Variants in CFAP61 observed in about 807,000 individuals in gnomAD.
The protein encoded by CFAP61 is cilia and flagella associated protein 61.
In CFAP61, 107 loss-of-function variants were observed where a neutral mutation model predicts 135.6. That is an observed-to-expected ratio of 0.79 (90% confidence interval 0.67 to 0.93). CFAP61 has a LOEUF of 0.93. Among genes scored for constraint, CFAP61 ranks in the 40% least tolerant of loss-of-function variants. The pLI is 0.00. For synonymous variants in CFAP61, 575 were observed against 578.5 expected (o/e 0.99, Z 0.09); for missense variants, 1,507 against 1,556.2 (o/e 0.97, Z 0.53).
At chr20:20,325,229 C>G (rs2057699115) in intron 25 of CFAP61, among the ~76,000 whole-genome samples, 1 of 152,184 alleles carries the variant, frequency 6.6e-6, no homozygotes, top group African/African-American at 2.4e-5. Context: ...AATATTGATA[C>G]ATTATTATTA....
chr20:20,353,857 C>T (rs1277603810), intron 26 of CFAP61, among the ~76,000 whole-genome samples: 1 of 152,150 alleles, frequency 6.6e-6, no homozygotes, highest in Non-Finnish European at 1.5e-5. Flanking sequence ...AAAGGGAATT[C>T]TTGTTCACTG....
chr20:20,174,316 G>A (rs561569149), intron 13 of CFAP61, among the ~76,000 whole-genome samples: 1 of 152,138 alleles, frequency 6.6e-6, no homozygotes, highest in Admixed American at 6.5e-5. Flanking sequence ...CACCTCTGTA[G>A]CTTCTCTGAG....
At chr20:20,166,585 C>A in intron 12 of CFAP61, 149 bp downstream of exon 12, 1 of 641,360 alleles carries the variant, frequency 1.6e-6, no homozygotes, top group Non-Finnish European at 2.7e-6. Context: ...CATAAAAATA[C>A]AAAATATTGT....
chr20:20,085,527 T>C, intron 6 of CFAP61: 1 of 1,366,440 alleles, frequency 7.3e-7, no homozygotes. Context: ...CCAGAAGAAT[T>C]CGTGTTGAGG....
chr20:20,337,965 C>T (rs554627468), intron 25 of CFAP61, among the ~76,000 whole-genome samples: 69 of 152,332 alleles, frequency 4.5e-4, no homozygotes, highest in African/African-American at 1.6e-3. Context: ...CCTAATCTGA[C>T]TCATCAAAGA....
intron 25 of CFAP61, among the ~76,000 whole-genome samples, chr20:20,334,697 A>G (rs1243869206): frequency 1.3e-5 from 2 of 152,212 alleles, no homozygotes; most frequent in Non-Finnish European, 2.9e-5. Context: ...ATAGCATGTG[A>G]CAATTACAAC....
At chr20:20,269,861 G>A (rs2053207510) in intron 21 of CFAP61, among the ~76,000 whole-genome samples, 1 of 152,024 alleles carries the variant, frequency 6.6e-6, no homozygotes, top group African/African-American at 2.4e-5. Context: ...TTTTGAAATA[G>A]ACTCACAGGG....
At chr20:20,325,789 C>G (rs1378888666) in intron 25 of CFAP61, among the ~76,000 whole-genome samples, 1 of 152,202 alleles carries the variant, frequency 6.6e-6, no homozygotes, top group Non-Finnish European at 1.5e-5. Flanking sequence ...AACCACCGAA[C>G]TGTCTTCCAA....
At chr20:20,316,086 G>A (rs1440351935) in intron 25 of CFAP61, among the ~76,000 whole-genome samples, 1 of 151,830 alleles carries the variant, frequency 6.6e-6, no homozygotes, top group African/African-American at 2.4e-5. Context: ...AAAGTCATTG[G>A]TAGCTTGATG....
At chr20:20,170,703 C>A (rs2054159174) in intron 13 of CFAP61, among the ~76,000 whole-genome samples, 1 of 152,134 alleles carries the variant, frequency 6.6e-6, no homozygotes, top group Non-Finnish European at 1.5e-5. Flanking sequence ...CTTTGAGAAA[C>A]ATCCTAGATG....
At chr20:20,264,033 G>C (rs1322013614) in intron 21 of CFAP61, among the ~76,000 whole-genome samples, 1 of 151,954 alleles carries the variant, frequency 6.6e-6, no homozygotes, top group Admixed American at 6.6e-5. Flanking sequence ...AATTTATTCT[G>C]ATTTTTGGTG....
At chr20:20,144,835 C>T (rs2051736601) in intron 9 of CFAP61, among the ~76,000 whole-genome samples, 1 of 151,928 alleles carries the variant, frequency 6.6e-6, no homozygotes, top group African/African-American at 2.4e-5. Context: ...CAGGGGATTT[C>T]TTATTGGAAA....
At chr20:20,156,601 C>T (rs1173716164) in intron 9 of CFAP61, among the ~76,000 whole-genome samples, 1 of 152,018 alleles carries the variant, frequency 6.6e-6, no homozygotes, top group East Asian at 1.9e-4. Flanking sequence ...CTATCTTTCA[C>T]TCACAGACAA....
Position 20,182,608 on chromosome 20 carries a change from G to A in CFAP61, c.1386-5322G>A, listed in dbSNP as rs368074498. On this transcript the variant is annotated intron_variant, in intron 13 of 26. Coordinates refer to ENST00000245957, the MANE Select transcript of CFAP61 (RefSeq NM_015585.4). The stretch of plus-strand genomic sequence containing the variant: ...AATAAATATTTGTGATGGAGTGAAT[G>A]AATGATTCTTAATCCATTTTAATCA... 3.3e-5 allele frequency among the ~76,000 whole-genome samples: 5 copies of A among 152,318 alleles called. 1 individual carries two copies. Among genetic ancestry groups the A allele is most frequent in the African/African-American group, 9.6e-5 (4 of 41,572 alleles).
At chr20:20,067,600 C>T (rs2045367914) in intron 2 of CFAP61, among the ~76,000 whole-genome samples, 1 of 147,238 alleles carries the variant, frequency 6.8e-6, no homozygotes, top group Non-Finnish European at 1.5e-5. Context: ...TGAGATCGCG[C>T]CACTGCACTC....
At chr20:20,181,276 T>TAC (rs74180984) in intron 13 of CFAP61, among the ~76,000 whole-genome samples, 1,612 of 144,574 alleles carry the variant, frequency 0.011, 47 homozygotes, top group Admixed American at 0.06. Context: ...TGTGTATGTA[T>TAC]ACACACACAC....
rs185779781 is a variant in CFAP61 at position 20,250,181 on chromosome 20, A to C, written c.2160-1414A>C. The stretch of plus-strand genomic sequence containing the variant: ...GATCAAAAGGAAGAAATGTTCCCTC[A>C]TTACCACTTCAGAATCTTGTTTGCC... On this transcript the variant is annotated intron_variant, in intron 19 of 26. Coordinates refer to ENST00000245957, the MANE Select transcript of CFAP61 (RefSeq NM_015585.4). Among the ~76,000 whole-genome samples, 3 of 152,328 alleles carry C rather than the reference A, an allele frequency of 2.0e-5. No homozygotes were observed. In the East Asian group the frequency reaches 5.8e-4, roughly 29 times the overall value.
At chr20:20,081,523 C>G (rs6046601) in intron 6 of CFAP61, among the ~76,000 whole-genome samples, 43 of 152,220 alleles carry the variant, frequency 2.8e-4, no homozygotes, top group African/African-American at 9.1e-4. Context: ...CGCTAATAGC[C>G]TACTTGTCAC....
chr20:20,052,649 G>A (rs2043819074), intron 1 of CFAP61, 58 bp downstream of exon 1: 3 of 1,613,490 alleles, frequency 1.9e-6, no homozygotes, highest in Non-Finnish European at 2.5e-6. Flanking sequence ...GGGCGTCCAG[G>A]GCGCATCCCC....
Sources: gnomAD v4.1 joint callset for allele counts (sites outside exome capture counted in the v4.1 genomes callset) on GRCh38, gnomAD v4.1.1 for gene constraint, MANE v1.5 for transcripts, NCBI Gene and HGNC (gene_info 2026-07-23, HGNC 2026-07-21) for gene names.